The following RALGAPA2 variants were observed in gnomAD, a reference collection of about 807,000 sequenced individuals.
RALGAPA2 encodes the protein Ral GTPase activating protein catalytic subunit alpha 2, also known as ral GTPase-activating protein subunit alpha-2.
In RALGAPA2, 139 loss-of-function variants were observed where a neutral mutation model predicts 230.4. The ratio of observed to expected loss-of-function variants is 0.60; its 90% CI spans 0.53 to 0.69. RALGAPA2 has a LOEUF of 0.69. Among genes scored for constraint, RALGAPA2 ranks in the 30% least tolerant of loss-of-function variants. The pLI, the probability that RALGAPA2 is intolerant of heterozygous loss-of-function variation, is 0.00. For synonymous variants in RALGAPA2, 847 were observed against 837.8 expected, an observed-to-expected ratio of 1.01 and a Z score of -0.19; for missense variants, 2,163 against 2,276.0, an observed-to-expected ratio of 0.95 and a Z score of 1.01.
chr20:20,642,160 AGGGG>A (rs2067060235), intron 5 of RALGAPA2, among the ~76,000 whole-genome samples: 1 of 11,778 alleles, frequency 8.5e-5, no homozygotes, highest in Non-Finnish European at 1.9e-4. Context: ...AGGGGAGGGG[AGGGG>A]AGGGGAGGGG....
chr20:20,513,893 G>A (rs912366894), intron 31 of RALGAPA2, among the ~76,000 whole-genome samples: 1 of 152,222 alleles, frequency 6.6e-6, no homozygotes, highest in Non-Finnish European at 1.5e-5. Context: ...GGAGGAGAGA[G>A]CTGCTACAGC....
At position 20,571,863 on chromosome 20, in the gene RALGAPA2, T is replaced by C; in HGVS notation, c.2985A>G (p.Ala995=). The change falls in exon 22 of 40, where the codon GCA becomes GCG. Residue 995 remains alanine, a synonymous_variant. Coordinates refer to ENST00000202677, the MANE Select transcript of RALGAPA2 (RefSeq NM_020343.4). Reference sequence around the variant, plus strand: ...ATCCACTTGCCTTAAACAGCCATGATGCAAACATTCTGAGTGGTGGGATCA... The same window carrying C: ...ATCCACTTGCCTTAAACAGCCATGACGCAAACATTCTGAGTGGTGGGATCA... ...PVLIPPLRMF[A]SWLFKAATLP... 3 of 1,610,098 alleles carry C rather than the reference T, an allele frequency of 1.9e-6. No homozygotes were observed. Among genetic ancestry groups the C allele is most frequent in the Middle Eastern group, 1.7e-4 (1 of 6,056 alleles).
chr20:20,479,995 ATAT>A (rs2061735741), intron 36 of RALGAPA2, among the ~76,000 whole-genome samples: 1 of 152,240 alleles, frequency 6.6e-6, no homozygotes, highest in Non-Finnish European at 1.5e-5. Context: ...AGAAAAGGAA[ATAT>A]TATTTACAAC....
chr20:20,515,763 C>T (rs1194499934), intron 31 of RALGAPA2, among the ~76,000 whole-genome samples: 1 of 151,680 alleles, frequency 6.6e-6, no homozygotes, highest in East Asian at 1.9e-4. Context: ...AAAGGGGTTG[C>T]AGGGTGAAAG....
chr20:20,591,217 G>A lies in RALGAPA2; in HGVS notation c.2301C>T (p.Thr767=). ...QQQQVLRSSS[T]SDIPEPLCSD... is the part of the protein sequence containing the mutation. ...AGCACAGCGGCTCGGGGATGTCGGA[G>A]GTGCTGCTGCTCCGAAGGACCTGCT... The change falls in exon 17 of 40, where the codon ACC becomes ACT. Residue 767 remains threonine, a synonymous_variant. Coordinates refer to ENST00000202677, the MANE Select transcript of RALGAPA2 (RefSeq NM_020343.4). 1 of 1,613,902 alleles carries A rather than the reference G, an allele frequency of 6.2e-7. No individual in the cohort carries two copies. The highest frequency in any genetic ancestry group is 8.5e-7 in the Non-Finnish European group (1 of 1,179,828).
At chr20:20,680,906 C>T (rs2068496597) in intron 1 of RALGAPA2, 105 bp from the exon 2 acceptor site, 3 of 1,469,024 alleles carry the variant, frequency 2.0e-6, no homozygotes, top group Non-Finnish European at 1.8e-6. Flanking sequence ...GTTTCATTCC[C>T]TTATAAGACA....
intron 5 of RALGAPA2, among the ~76,000 whole-genome samples, chr20:20,642,120 AGGGGAGGGGAGGGGAGGG>A (rs1169401228): frequency 1.0e-3 from 9 of 8,980 alleles, no homozygotes; most frequent in Non-Finnish European, 1.3e-3. Context: ...AGGGGAGGGG[AGGGGAGGGGAGGGGAGGG>A]GAGAGAAGGG....
At chr20:20,638,634 G>C (rs1169942820) in intron 7 of RALGAPA2, among the ~76,000 whole-genome samples, 1 of 152,096 alleles carries the variant, frequency 6.6e-6, no homozygotes, top group Non-Finnish European at 1.5e-5. Context: ...CACAAGTTCT[G>C]GATACTCTGT....
intron 23 of RALGAPA2, among the ~76,000 whole-genome samples, chr20:20,557,849 G>A (rs1382811840): frequency 6.6e-6 from 1 of 152,044 alleles, no homozygotes; most frequent in Non-Finnish European, 1.5e-5. Flanking sequence ...CATCAATCAA[G>A]GCCAGAACTG....
chr20:20,609,086 C>T (rs1179872069), intron 14 of RALGAPA2, among the ~76,000 whole-genome samples: 1 of 152,168 alleles, frequency 6.6e-6, no homozygotes, highest in Non-Finnish European at 1.5e-5. Flanking sequence ...GCCTCAACCT[C>T]CCGGGTTCAA....
chr20:20,430,922 G>A (rs186062759), intron 37 of RALGAPA2, among the ~76,000 whole-genome samples: 19 of 151,996 alleles, frequency 1.3e-4, no homozygotes, highest in Admixed American at 9.8e-4. Flanking sequence ...ACATAAAGAC[G>A]TTAACTCATG....
intron 1 of RALGAPA2, among the ~76,000 whole-genome samples, chr20:20,699,861 A>C (rs1003396007): frequency 7.2e-5 from 11 of 152,222 alleles, no homozygotes; most frequent in Non-Finnish European, 1.3e-4. Flanking sequence ...GTTGGTGGGA[A>C]TGTAAATTAG....
chr20:20,651,361 G>T (rs981918888), intron 4 of RALGAPA2, among the ~76,000 whole-genome samples: 1 of 152,112 alleles, frequency 6.6e-6, no homozygotes, highest in Admixed American at 6.5e-5. Flanking sequence ...AATAAATGTG[G>T]ATTATTTTAC....
intron 2 of RALGAPA2, among the ~76,000 whole-genome samples, chr20:20,676,984 A>G (rs1343825461): frequency 1.3e-5 from 2 of 152,220 alleles, no homozygotes; most frequent in African/African-American, 4.8e-5. Flanking sequence ...TATTTATAAA[A>G]CAGGCAGCTA....
intron 1 of RALGAPA2, among the ~76,000 whole-genome samples, chr20:20,704,673 GCT>G (rs1333992997): frequency 6.6e-6 from 1 of 152,184 alleles, no homozygotes; most frequent in Non-Finnish European, 1.5e-5. Flanking sequence ...AAGGAAGGGA[GCT>G]CTCTCTCTCC....
chr20:20,574,543 TAAGCCTTTG>T (rs1449613829), intron 20 of RALGAPA2, among the ~76,000 whole-genome samples: 1 of 152,144 alleles, frequency 6.6e-6, no homozygotes, highest in Non-Finnish European at 1.5e-5. Context: ...CTTCCTAAAA[TAAGCCTTTG>T]AATTTTTAGA....
At chr20:20,454,420 C>T (rs1443823942) in intron 37 of RALGAPA2, among the ~76,000 whole-genome samples, 1 of 152,240 alleles carries the variant, frequency 6.6e-6, no homozygotes, top group Non-Finnish European at 1.5e-5. Flanking sequence ...CTGCTGCCTG[C>T]TCCTTATAGG....
intron 16 of RALGAPA2, among the ~76,000 whole-genome samples, chr20:20,592,513 T>C (rs1048251065): frequency 3.3e-5 from 5 of 152,142 alleles, no homozygotes; most frequent in Non-Finnish European, 7.4e-5. Context: ...GCAAGCCCCA[T>C]TGCTCTGTTT....
Position 20,680,780 on chromosome 20 carries a change from A to G in RALGAPA2, c.128T>C (p.Leu43Pro). Reference sequence around the variant, plus strand: ...ATAGTTGGTCTCAAAAAACTGCTTAAGATCATTTGCATCCACATTATCTGA... The same window carrying G: ...ATAGTTGGTCTCAAAAAACTGCTTAGGATCATTTGCATCCACATTATCTGA... ...ALLDNVDAND[L>P]KQFFETNYSQ... The change falls in exon 2 of 40, where the codon CTT becomes CCT. Residue 43 changes from leucine (L) to proline (P), a missense_variant. Transcript: ENST00000202677. The G allele has an allele frequency of 6.3e-7, 1 of 1,583,016 alleles. No homozygotes were observed. Among genetic ancestry groups the G allele is most frequent in the Non-Finnish European group, 8.5e-7 (1 of 1,169,768 alleles).
Sources: allele counts gnomAD v4.1 joint callset (sites outside exome capture counted in the v4.1 genomes callset), GRCh38; gene constraint gnomAD v4.1.1; transcripts MANE v1.5; gene names NCBI Gene and HGNC (gene_info 2026-07-23, HGNC 2026-07-21).